The following POTEE variants were observed in gnomAD, a reference collection of about 807,000 sequenced individuals.
POTEE encodes POTE ankyrin domain family member E, also known as ANKRD26-like family C member 1A.
POTEE carries 21 observed loss-of-function variants against 74.2 expected under a neutral mutation model. The ratio of observed to expected loss-of-function variants is 0.28; its 90% CI spans 0.20 to 0.41. The LOEUF (loss-of-function observed/expected upper bound fraction) is 0.41, where lower values mean the gene tolerates loss of function less well. Ranked by LOEUF, POTEE falls within the 10% of genes least tolerant of loss-of-function variation. The pLI is 1.00. For synonymous variants in POTEE, 211 were observed against 432.8 expected (o/e 0.49, Z 6.36); for missense variants, 525 against 1,158.6 (o/e 0.45, Z 7.94).
Position 131,218,345 on chromosome 2 carries a change from C to T in POTEE, c.-58C>T. ...CGGAGTTACCTGCTAGTTGGTGAAACTGGTTGGTAGACGCGATCTGTTGGC... is the reference window on the plus strand; with the variant it reads ...CGGAGTTACCTGCTAGTTGGTGAAATTGGTTGGTAGACGCGATCTGTTGGC... On this transcript the variant is annotated 5_prime_UTR_variant, in exon 4 of 18. Transcript: ENST00000683005. 1 of 1,605,136 alleles carries T rather than the reference C, an allele frequency of 6.2e-7. No individual in the cohort carries two copies. The highest frequency in any genetic ancestry group is 8.5e-7 in the Non-Finnish European group (1 of 1,175,390).
At chr2:131,237,974 G>T (rs1174359606) in intron 10 of POTEE, among the ~76,000 whole-genome samples, 1 of 152,178 alleles carries the variant, frequency 6.6e-6, no homozygotes, top group East Asian at 1.9e-4. Context: ...TTAGTCAGAA[G>T]CCAGTAATGT....
chr2:131,226,296 T>C (rs1314381466), intron 6 of POTEE, among the ~76,000 whole-genome samples: 4 of 140,486 alleles, frequency 2.8e-5, no homozygotes, highest in African/African-American at 1.1e-4. Context: ...TAAATACAAA[T>C]AGATTTTAAA....
At chr2:131,232,706 G>C (rs1286240900) in intron 9 of POTEE, among the ~76,000 whole-genome samples, 1 of 151,098 alleles carries the variant, frequency 6.6e-6, no homozygotes, top group Non-Finnish European at 1.5e-5. Context: ...AACCAGAGTT[G>C]TTTTGGTTGT....
In POTEE at chr2:131,264,872, C is replaced by T. The variant is rs1352413273; in HGVS notation, c.*189C>T. On this transcript the variant is annotated 3_prime_UTR_variant, in exon 18 of 18. Transcript: ENST00000683005. ...GCAGTCGGTTGGAGGAAGCTTCCTC[C>T]AAAGTTCTACAATGTTGCCAAGGAC... The T allele has an allele frequency of 4.1e-6, 4 of 978,832 alleles. No homozygotes were observed. The East Asian group carries it at 1.0e-4, about 25-fold the overall frequency. 60.6% of individuals were successfully genotyped at this position (978,832 alleles called of 1,614,324 possible). A position where few individuals can be genotyped will look rare whatever the true frequency, so the allele number is the denominator to read the frequency against.
At chr2:131,225,482 G>A (rs1417250456) in intron 6 of POTEE, among the ~76,000 whole-genome samples, 1 of 146,664 alleles carries the variant, frequency 6.8e-6, no homozygotes, top group Non-Finnish European at 1.5e-5. Context: ...AAATTCTTAT[G>A]TCTCAGAAAC....
rs550222551 is a variant in POTEE at position 131,220,339 on chromosome 2, G to C, written c.521+1416G>C. Among the ~76,000 whole-genome samples the C allele has an allele frequency of 5.5e-3, 821 of 150,494 alleles. 3 individuals carry two copies. Among genetic ancestry groups the C allele is most frequent in the Non-Finnish European group, 8.2e-3 (553 of 67,358 alleles). On this transcript the variant is annotated intron_variant, in intron 4 of 17. Transcript: ENST00000683005. Reference sequence around the variant, plus strand: ...CTGCTTCAGCCTACTGAGTAGCTGGGATTACAGGCGCCTGCCACCACGCCT... The same window carrying C: ...CTGCTTCAGCCTACTGAGTAGCTGGCATTACAGGCGCCTGCCACCACGCCT...
chr2:131,250,306 T>TA (rs1408530957), intron 13 of POTEE, among the ~76,000 whole-genome samples: 2 of 280 alleles, frequency 7.1e-3, no homozygotes, highest in Admixed American at 0.083. Flanking sequence ...CTCTAGCTCA[T>TA]AAAAAAAAAA....
intron 4 of POTEE, among the ~76,000 whole-genome samples, 198 bp from the exon 5 acceptor site, chr2:131,223,392 CTTTATA>C (rs1170975398): frequency 9.5e-4 from 142 of 149,464 alleles, no homozygotes; most frequent in Middle Eastern, 3.4e-3. Flanking sequence ...GGGCTATGCT[CTTTATA>C]TTTATATAGG....
At chr2:131,256,805 T>C (rs2105131317) in intron 16 of POTEE, among the ~76,000 whole-genome samples, 1 of 147,526 alleles carries the variant, frequency 6.8e-6, no homozygotes. Flanking sequence ...ATGAAGAAAA[T>C]GAAAAAAAAG....
At chr2:131,220,129 A>T (rs1330986344) in intron 4 of POTEE, among the ~76,000 whole-genome samples, 6 of 152,132 alleles carry the variant, frequency 3.9e-5, no homozygotes, top group Non-Finnish European at 7.3e-5. Context: ...TAGATTAAAA[A>T]TTTTAAATAT....
chr2:131,230,967 A>T, intron 9 of POTEE, 61 bp downstream of exon 9: 1 of 1,517,442 alleles, frequency 6.6e-7, no homozygotes, highest in Non-Finnish European at 8.9e-7. Context: ...GACACCAGGG[A>T]CCGGTTTTGT....
At chr2:131,223,127 GT>G (rs1250195001) in intron 4 of POTEE, among the ~76,000 whole-genome samples, 1 of 150,824 alleles carries the variant, frequency 6.6e-6, no homozygotes, top group African/African-American at 2.5e-5. Context: ...TATCATCTCA[GT>G]TCAAATGTTG....
At chr2:131,218,193 G>C (rs1700494879) in intron 3 of POTEE, 117 bp from the exon 4 acceptor site, 1 of 941,574 alleles carries the variant, frequency 1.1e-6, no homozygotes, top group South Asian at 1.8e-5. Flanking sequence ...GTCGCCCAGG[G>C]GGGGCGTGGG....
At position 131,209,634 on chromosome 2, in the gene POTEE, C is replaced by G. The variant is rs62177506; in HGVS notation, c.-530C>G. Among the ~76,000 whole-genome samples, 13,036 of 103,372 alleles carry G rather than the reference C, an allele frequency of 0.13. 372 individuals are homozygous for G. Among genetic ancestry groups the G allele is most frequent in the African/African-American group, 0.22 (7,212 of 33,506 alleles). 67.8% of individuals were successfully genotyped at this position (103,372 alleles called of 152,430 possible). On this transcript the variant is annotated 5_prime_UTR_variant, in exon 1 of 18. Transcript: ENST00000683005. ...CTGGCTCACTGCAGTTGGTGGTGTC[C>G]ACAGAGCGGTAGGAGGGCAACTAGT... is the stretch of plus-strand genomic sequence containing the variant.
chr2:131,230,518 C>T (rs1700919729), intron 8 of POTEE, among the ~76,000 whole-genome samples: 1 of 152,130 alleles, frequency 6.6e-6, no homozygotes, highest in African/African-American at 2.4e-5. Context: ...GCAAGTTGTC[C>T]AAGAACAAAT....
chr2:131,257,199 TTG>T (rs1701603105), intron 16 of POTEE, among the ~76,000 whole-genome samples: 1 of 89,506 alleles, frequency 1.1e-5, no homozygotes, highest in Admixed American at 1.2e-4. Flanking sequence ...TCTGTTGTTA[TTG>T]TGTGTTTATC....
chr2:131,263,939 C>A lies in POTEE; in HGVS notation c.2484C>A (p.Asn828Lys). The change falls in exon 18 of 18, where the codon AAC (asparagine) becomes AAA (lysine). Residue 828 changes from asparagine (N) to lysine (K), a missense_variant. Coordinates refer to ENST00000683005, the MANE Select transcript of POTEE (RefSeq NM_001083538.3). ...KMTQIMFETF[N>K]TPAMYVAIQA... ...CCCAGATCATGTTTGAGACCTTCAACACCCCAGCCATGTACGTGGCCATCC... is the reference window on the plus strand; with the variant it reads ...CCCAGATCATGTTTGAGACCTTCAAAACCCCAGCCATGTACGTGGCCATCC... 3.7e-6 allele frequency: 6 copies of A among 1,614,228 alleles called. No homozygotes were observed. The highest frequency in any genetic ancestry group is 5.1e-6 in the Non-Finnish European group (6 of 1,180,052).
chr2:131,218,800 ACC>A lies in POTEE; in HGVS notation c.399_400del (p.Tyr133Ter). The A allele has an allele frequency of 6.2e-7, 1 of 1,612,702 alleles. No homozygotes were observed. ...GACAGCGCCTTCATGGAGCCCAGGT[ACC>A]ACGTCCGTGGAGAAGATCTGGACAA... On this transcript the variant is annotated stop_gained and frameshift_variant, in exon 4 of 18. Transcript: ENST00000683005. LOFTEE classifies it high-confidence loss of function.
At chr2:131,230,969 C>T (rs575182577) in intron 9 of POTEE, 63 bp downstream of exon 9, 164 of 1,391,844 alleles carry the variant, frequency 1.2e-4, no homozygotes, top group Middle Eastern at 5.5e-4. Flanking sequence ...CACCAGGGAC[C>T]GGTTTTGTGG....
Sources: gnomAD v4.1 joint callset for allele counts (sites outside exome capture counted in the v4.1 genomes callset) on GRCh38, gnomAD v4.1.1 for gene constraint, MANE v1.5 for transcripts, NCBI Gene and HGNC (gene_info 2026-07-23, HGNC 2026-07-21) for gene names.